TENM3: variants seen among roughly 807,000 people sequenced by gnomAD.
TENM3 encodes the protein teneurin-3.
A neutral mutation model predicts 255.1 loss-of-function variants in TENM3; 63 were observed. That is an observed-to-expected ratio of 0.25 (90% CI 0.20 to 0.30). The LOEUF is 0.30. TENM3 is among the 10% of genes least tolerant of loss of function. The pLI is 1.00. For synonymous variants in TENM3, 1,306 were observed against 1,322.3 expected, an observed-to-expected ratio of 0.99 and a Z score of 0.27; for missense variants, 2,929 against 3,461.1, an observed-to-expected ratio of 0.85 and a Z score of 3.86.
At chr4:182,161,139 G>A (rs1410249878) in intron 1 of TENM3, among the ~76,000 whole-genome samples, 6 of 126,194 alleles carry the variant, frequency 4.8e-5, no homozygotes, top group South Asian at 2.9e-4. Flanking sequence ...ATTAGCGGCC[G>A]GGCGCGGTGG....
the TENM3 span, among the ~76,000 whole-genome samples, chr4:181,963,729 G>C: frequency 6.6e-6 from 1 of 152,146 alleles, no homozygotes; most frequent in Non-Finnish European, 1.5e-5. Context: ...TGGATAGAAC[G>C]CAAAGATGAA....
At chr4:181,730,722 A>G in the TENM3 span, among the ~76,000 whole-genome samples, 1 of 152,198 alleles carries the variant, frequency 6.6e-6, no homozygotes, top group Admixed American at 6.5e-5. Context: ...TATGATCTAA[A>G]TCTTATAAGC....
chr4:182,199,762 G>A (rs1446185120), intron 1 of TENM3, among the ~76,000 whole-genome samples: 7 of 120,840 alleles, frequency 5.8e-5, no homozygotes, highest in African/African-American at 2.3e-4. Flanking sequence ...ATCTTGCTCT[G>A]TCGCCTAGGC....
At chr4:182,011,239 C>A in the TENM3 span, among the ~76,000 whole-genome samples, 1 of 152,198 alleles carries the variant, frequency 6.6e-6, no homozygotes, top group Admixed American at 6.5e-5. Context: ...CTACTTCAAA[C>A]CCTGATGCCC....
chr4:181,932,271 T>A, the TENM3 span, among the ~76,000 whole-genome samples: 2 of 152,200 alleles, frequency 1.3e-5, no homozygotes, highest in Admixed American at 1.3e-4. Context: ...TCTATCCATC[T>A]GACAAAGGGC....
At chr4:182,566,402 A>G (rs1449922927) in intron 3 of TENM3, among the ~76,000 whole-genome samples, 1 of 152,218 alleles carries the variant, frequency 6.6e-6, no homozygotes, top group South Asian at 2.1e-4. Context: ...TTTTGTAAAC[A>G]TGGAATAAAG....
chr4:182,516,285 T>C (rs1434556307), intron 3 of TENM3, among the ~76,000 whole-genome samples: 2 of 152,244 alleles, frequency 1.3e-5, no homozygotes, highest in African/African-American at 4.8e-5. Flanking sequence ...AGGCTTTTGA[T>C]TATTATTCAA....
At chr4:182,723,045 A>G (rs1759878368) in intron 13 of TENM3, among the ~76,000 whole-genome samples, 1 of 152,200 alleles carries the variant, frequency 6.6e-6, no homozygotes. Flanking sequence ...ATATACAGAC[A>G]TGTTAAATCA....
the TENM3 span, among the ~76,000 whole-genome samples, chr4:181,544,422 A>AAAAAAAAAAAG: frequency 6.8e-6 from 1 of 146,884 alleles, no homozygotes; most frequent in South Asian, 2.2e-4. Flanking sequence ...AAAAAAAAAA[A>AAAAAAAAAAAG]AAAAAAAAAA....
chr4:182,462,072 T>TGC (rs879617652), intron 3 of TENM3, among the ~76,000 whole-genome samples: 41,624 of 151,052 alleles, frequency 0.28, 6,812 homozygotes, highest in East Asian at 0.49. Flanking sequence ...TCTGAGCTTT[T>TGC]TTTTTTTTTT....
chr4:181,889,078 C>G, the TENM3 span, among the ~76,000 whole-genome samples: 1 of 152,078 alleles, frequency 6.6e-6, no homozygotes, highest in Non-Finnish European at 1.5e-5. Context: ...TTAAATCAAC[C>G]ATCACACTAC....
At chr4:182,599,537 G>T (rs1320784768) in intron 3 of TENM3, among the ~76,000 whole-genome samples, 1 of 152,032 alleles carries the variant, frequency 6.6e-6, no homozygotes, top group Non-Finnish European at 1.5e-5. Context: ...GGAATATTAG[G>T]GATCATTAGA....
At chr4:182,191,445 T>C (rs1221859258) in intron 1 of TENM3, among the ~76,000 whole-genome samples, 1 of 152,160 alleles carries the variant, frequency 6.6e-6, no homozygotes, top group African/African-American at 2.4e-5. Context: ...CAGTCTCAGA[T>C]GCCGCCTCCC....
chr4:181,628,605 G>T, the TENM3 span, among the ~76,000 whole-genome samples: 3 of 152,282 alleles, frequency 2.0e-5, no homozygotes, highest in African/African-American at 4.8e-5. Context: ...TTTCCCCATT[G>T]CTTGTTTTTG....
At chr4:182,577,297 A>G (rs56394544) in intron 3 of TENM3, among the ~76,000 whole-genome samples, 70,049 of 152,076 alleles carry the variant, frequency 0.46, 17,744 homozygotes, top group African/African-American at 0.66. Context: ...GCTTTAAAAA[A>G]GCAGGAAAGT....
At chr4:182,154,426 T>A (rs1196998497) in intron 1 of TENM3, among the ~76,000 whole-genome samples, 1 of 152,200 alleles carries the variant, frequency 6.6e-6, no homozygotes, top group African/African-American at 2.4e-5. Flanking sequence ...CTGGCTATCA[T>A]TTCATTTTTC....
the TENM3 span, among the ~76,000 whole-genome samples, chr4:181,480,856 G>A: frequency 6.7e-6 from 1 of 150,002 alleles, no homozygotes; most frequent in African/African-American, 2.4e-5. Context: ...TATTAGAACT[G>A]TTCATGTGTG....
At chr4:181,694,836 G>T in the TENM3 span, among the ~76,000 whole-genome samples, 4 of 152,218 alleles carry the variant, frequency 2.6e-5, no homozygotes, top group Admixed American at 2.0e-4. Context: ...TGGCTGTTTT[G>T]TGATTTAAGA....
the TENM3 span, among the ~76,000 whole-genome samples, chr4:181,628,157 ATCC>A: frequency 6.6e-6 from 1 of 151,974 alleles, no homozygotes; most frequent in Non-Finnish European, 1.5e-5. Context: ...GTCTGTTCCT[ATCC>A]TTGGCCCACT....
Sources: allele counts gnomAD v4.1 joint callset (sites outside exome capture counted in the v4.1 genomes callset), GRCh38; gene constraint gnomAD v4.1.1; transcripts MANE v1.5; gene names NCBI Gene and HGNC (gene_info 2026-07-23, HGNC 2026-07-21).